The following PRPH2 variants were observed in gnomAD, a reference collection of about 807,000 sequenced individuals.
PRPH2 encodes the protein peripherin-2.
A neutral mutation model predicts 31.3 loss-of-function variants in PRPH2; 17 were observed. The observed-to-expected ratio is 0.54, with a 90% CI of 0.37 to 0.81. The LOEUF is 0.81. Ranked by LOEUF, PRPH2 falls within the 40% of genes least tolerant of loss-of-function variation. The pLI is 0.00. For missense variants in PRPH2, 430 were observed against 439.7 expected (o/e 0.98, Z 0.20); for synonymous variants, 165 against 184.4 (o/e 0.89, Z 0.85).
In PRPH2 at chr6:42,698,333, C is replaced by T. The variant is rs1166310608; in HGVS notation, c.1003G>A (p.Glu335Lys). ...GGGGCCTGGCCTGCGTCTGCGCCCT[C>T]GGCTTCCACCTGGTTGCCCTTGCCC... ...KLGKGNQVEAEGADAGQAPEA... is the reference protein window; with the variant it reads ...KLGKGNQVEAKGADAGQAPEA... Residue 335 changes from glutamate (E) to lysine (K), a missense_variant, in exon 3 of 3, where the codon GAG (glutamate) becomes AAG (lysine). Physicochemically the swap from Glu to Lys is moderately conservative, Grantham distance 56. Coordinates refer to ENST00000230381, the MANE Select transcript of PRPH2 (RefSeq NM_000322.5). 11 of 1,614,020 alleles carry T rather than the reference C, an allele frequency of 6.8e-6. No individual in the cohort carries two copies. Among genetic ancestry groups the T allele is most frequent in the South Asian group, 2.2e-5 (2 of 91,088 alleles).
chr6:42,721,967 C>T lies in PRPH2; in HGVS notation c.368G>A (p.Arg123Gln), dbSNP rs1451557563. The T allele has an allele frequency of 6.2e-7, 1 of 1,613,974 alleles. No individual in the cohort carries two copies. Among genetic ancestry groups the T allele is most frequent in the East Asian group, 2.2e-5 (1 of 44,870 alleles). Residue 123 changes from arginine to glutamine, a missense_variant, in exon 1 of 3, where the codon CGG (arginine) becomes CAG (glutamine). By Grantham distance (43) the Arg-to-Gln change is conservative (BLOSUM62 1). Coordinates refer to ENST00000230381, the MANE Select transcript of PRPH2 (RefSeq NM_000322.5). ...FLVALCCFLL[R>Q]GSLENTLGQG... ...GCCCAGGGTGTTCTCCAGCGAGCCC[C>T]GAAGCAGAAAGCAGCAGAGAGCCAC...
In PRPH2 at chr6:42,719,833, T is replaced by C. The variant is rs1761864778; in HGVS notation, c.581+1921A>G. ...ATCCGCCCGCCTCGGCCTCCCAAAG[T>C]GCTGGGATTACAGGTGTGAGCTACC... On this transcript the variant is annotated intron_variant, in intron 1 of 2. Transcript: ENST00000230381. Among the ~76,000 whole-genome samples the C allele has an allele frequency of 2.6e-5, 4 of 152,116 alleles. No homozygotes were observed. The South Asian group carries it at 8.3e-4, about 32-fold the overall frequency.
chr6:42,715,884 G>A (rs1761768190), intron 1 of PRPH2, among the ~76,000 whole-genome samples: 1 of 152,138 alleles, frequency 6.6e-6, no homozygotes, highest in South Asian at 2.1e-4. Flanking sequence ...CCCCAAGGAG[G>A]GGCACAAGTG....
rs777589592 is a variant in PRPH2, at chr6:42,698,780, C to T, written c.829-273G>A. Among the ~76,000 whole-genome samples, 17 of 152,256 alleles carry T rather than the reference C, an allele frequency of 1.1e-4. 1 individual carries two copies. Among genetic ancestry groups the T allele is most frequent in the South Asian group, 2.1e-4 (1 of 4,830 alleles). On this transcript the variant is annotated intron_variant, in intron 2 of 2. Transcript: ENST00000230381. ...TCGCCCATGCCCCCTACTTTCTCCCCTCTAGGTCTTTACCATCTGCTATGC... is the reference window on the plus strand; with the variant it reads ...TCGCCCATGCCCCCTACTTTCTCCCTTCTAGGTCTTTACCATCTGCTATGC...
rs9369381 is a variant in PRPH2, at chr6:42,711,956, G to T, written c.582-7345C>A. 11 of 985,420 alleles carry T rather than the reference G, an allele frequency of 1.1e-5. No individual in the cohort carries two copies. The East Asian group carries it at 9.1e-4, about 81-fold the overall frequency. 61.0% of individuals were successfully genotyped at this position (985,420 alleles called of 1,614,324 possible). The stretch of plus-strand genomic sequence containing the variant: ...TCCTGCAACCTTTAAAAGAAGTGTT[G>T]TAAACTGACTGAAGACCTCATGTCC... On this transcript the variant is annotated intron_variant, in intron 1 of 2. Coordinates refer to ENST00000230381, the MANE Select transcript of PRPH2 (RefSeq NM_000322.5).
chr6:42,718,674 G>A (rs1342215227), intron 1 of PRPH2, among the ~76,000 whole-genome samples: 1 of 151,634 alleles, frequency 6.6e-6, no homozygotes, highest in Non-Finnish European at 1.5e-5. Context: ...TCTGAGATAG[G>A]GTCTTACTCT....
intron 2 of PRPH2, among the ~76,000 whole-genome samples, chr6:42,699,391 A>AATGG (rs1158186664): frequency 1.3e-5 from 2 of 152,134 alleles, no homozygotes; most frequent in Admixed American, 1.3e-4. Context: ...CACAGTGATG[A>AATGG]ATGGATGCTG....
intron 2 of PRPH2, among the ~76,000 whole-genome samples, chr6:42,702,977 G>C (rs1453853110): frequency 6.6e-6 from 1 of 152,148 alleles, no homozygotes; most frequent in South Asian, 2.1e-4. Context: ...AGGAGTTAGA[G>C]AGCAGCCTGG....
rs375090109 is a variant in PRPH2, at chr6:42,722,120, C to A, written c.215G>T (p.Cys72Phe). Residue 72 changes from cysteine (C) to phenylalanine (F), a missense_variant, in exon 1 of 3, where the codon TGT becomes TTT. Coordinates refer to ENST00000230381, the MANE Select transcript of PRPH2 (RefSeq NM_000322.5). The surrounding 1 kb of genome is among the most constrained non-coding windows in gnomAD (Gnocchi z 4.4). ...CTTCCCAGCCAGCGAGTTGAAGACA[C>A]AGGATAGCACCCCCATCCCTATCAA... The part of the protein sequence containing the change: ...NSLIGMGVLS[C>F]VFNSLAGKIC... 1 of 1,614,148 alleles carries A rather than the reference C, an allele frequency of 6.2e-7. No homozygotes were observed.
At chr6:42,706,893 CT>C (rs67473485) in intron 1 of PRPH2, among the ~76,000 whole-genome samples, 1 of 151,008 alleles carries the variant, frequency 6.6e-6, no homozygotes, top group Non-Finnish European at 1.5e-5. Context: ...TTTTCCTGTT[CT>C]TTTTTTATTA....
intron 1 of PRPH2, among the ~76,000 whole-genome samples, chr6:42,706,383 C>T (rs1247276218): frequency 6.8e-6 from 1 of 147,148 alleles, no homozygotes; most frequent in African/African-American, 2.5e-5. Context: ...CCAGCCTGGG[C>T]GACACAGTGA....
chr6:42,719,437 G>A (rs1761854912), intron 1 of PRPH2, among the ~76,000 whole-genome samples: 2 of 152,106 alleles, frequency 1.3e-5, no homozygotes, highest in African/African-American at 4.8e-5. Context: ...GCCTCCCAAA[G>A]TGTTGGGATT....
At chr6:42,720,266 CTA>C (rs1169581666) in intron 1 of PRPH2, among the ~76,000 whole-genome samples, 9 of 152,114 alleles carry the variant, frequency 5.9e-5, no homozygotes, top group African/African-American at 2.2e-4. Context: ...AGAACTGACT[CTA>C]TGCAGGAGAC....
At chr6:42,705,056 G>T (rs553692089) in intron 1 of PRPH2, among the ~76,000 whole-genome samples, 8 of 152,282 alleles carry the variant, frequency 5.3e-5, no homozygotes, top group African/African-American at 1.9e-4. Flanking sequence ...CCAGCCAGGT[G>T]TTTCCAGAAG....
At chr6:42,718,978 T>A (rs1213498345) in intron 1 of PRPH2, among the ~76,000 whole-genome samples, 2 of 152,144 alleles carry the variant, frequency 1.3e-5, no homozygotes, top group African/African-American at 4.8e-5. Flanking sequence ...ATTGTGTCTT[T>A]AGACAAACTT....
At chr6:42,717,249 C>CTAA (rs1167438818) in intron 1 of PRPH2, among the ~76,000 whole-genome samples, 1 of 151,320 alleles carries the variant, frequency 6.6e-6, no homozygotes. Context: ...TCAGTCTCTA[C>CTAA]TAAAAATACA....
chr6:42,722,284 G>T lies in PRPH2; in HGVS notation c.51C>A (p.Ala17=). ...KFDQKKRVKL[A]QGLWLMNWFS... ...ACCAGTTCATGAGCCAGAGCCCTTG[G>T]GCCAACTTGACCCGCTTCTTCTGGT... Residue 17 remains alanine, a synonymous_variant, in exon 1 of 3, where the codon GCC becomes GCA. Transcript: ENST00000230381. The surrounding 1 kb of genome is among the most constrained non-coding windows in gnomAD (Gnocchi z 4.4). 6.2e-7 allele frequency: 1 copy of T among 1,614,082 alleles called. No homozygotes were observed. Among genetic ancestry groups the T allele is most frequent in the Non-Finnish European group, 8.5e-7 (1 of 1,180,044 alleles).
chr6:42,721,693 C>T lies in PRPH2; in HGVS notation c.581+61G>A. On this transcript the variant is annotated intron_variant, in intron 1 of 2. Transcript: ENST00000230381. ...TGCGGGGAGAGGGGCTGGTCAGAGG[C>T]CTGAGCCTCAGTGTCCCCAATATAT... The T allele has an allele frequency of 5.0e-6, 8 of 1,592,522 alleles. No homozygotes were observed. In the South Asian group the frequency reaches 8.8e-5, roughly 18 times the overall value.
At position 42,704,540 on chromosome 6, in the gene PRPH2, G is replaced by A. The variant is rs986748364; in HGVS notation, c.653C>T (p.Ser218Leu). ...GVPFSCCNPSSPRPCIQYQIT... is the reference protein window; with the variant it reads ...GVPFSCCNPSLPRPCIQYQIT... Reference sequence around the variant, plus strand: ...CTGATACTGGATGCAGGGCCGTGGCGAGCTAGGATTGCAGCAGCTGAAAGG... The same window carrying A: ...CTGATACTGGATGCAGGGCCGTGGCAAGCTAGGATTGCAGCAGCTGAAAGG... The change falls in exon 2 of 3, where the codon TCG becomes TTG. Residue 218 changes from serine to leucine, a missense_variant. Ser to Leu is a moderately radical substitution (Grantham distance 145, BLOSUM62 -2). Transcript: ENST00000230381. 1 of 1,614,152 alleles carries A rather than the reference G, an allele frequency of 6.2e-7. No individual in the cohort carries two copies. The highest frequency in any genetic ancestry group is 8.5e-7 in the Non-Finnish European group (1 of 1,180,022).
Sources: gnomAD v4.1 joint callset for allele counts (sites outside exome capture counted in the v4.1 genomes callset) on GRCh38, gnomAD v4.1.1 for gene constraint, Gnocchi (gnomAD v3.1) non-coding constraint, MANE v1.5 for transcripts, NCBI Gene and HGNC (gene_info 2026-07-23, HGNC 2026-07-21) for gene names.